NSMCE2: variants seen among roughly 807,000 people sequenced by gnomAD.
The protein encoded by NSMCE2 is E3 SUMO-protein ligase NSE2.
Under a neutral mutation model 23.8 loss-of-function variants are expected in NSMCE2, and 24 were observed. The ratio of observed to expected loss-of-function variants is 1.01; its 90% CI spans 0.73 to 1.42. The LOEUF (loss-of-function observed/expected upper bound fraction) is 1.42. Among genes scored for constraint, NSMCE2 ranks in the 40% most tolerant of loss-of-function variants. NSMCE2 has a pLI of 0.00. For synonymous variants in NSMCE2, 92 were observed against 94.1 expected, an observed-to-expected ratio of 0.98 and a Z score of 0.13; for missense variants, 284 against 296.5, an observed-to-expected ratio of 0.96 and a Z score of 0.31.
At chr8:125,306,898 G>A (rs1215687590) in intron 5 of NSMCE2, among the ~76,000 whole-genome samples, 2 of 152,150 alleles carry the variant, frequency 1.3e-5, no homozygotes, top group African/African-American at 4.8e-5. Flanking sequence ...TACATCCTTA[G>A]CATTATGTGA....
intron 3 of NSMCE2, among the ~76,000 whole-genome samples, chr8:125,108,989 G>A (rs1818601129): frequency 6.6e-6 from 1 of 152,184 alleles, no homozygotes; most frequent in Admixed American, 6.5e-5. Context: ...AAAGATAACT[G>A]TCCACAGCAG....
In NSMCE2 at chr8:125,357,088, A is replaced by G. The variant is rs185468692; in HGVS notation, c.419-131A>G. The stretch of plus-strand genomic sequence containing the variant: ...TTCTCTGAAAAGCAGAAGAGTTTCT[A>G]TGCATCCAGTCCTTACATGGGGGCC... On this transcript the variant is annotated intron_variant, in intron 5 of 7. Coordinates refer to ENST00000287437, the MANE Select transcript of NSMCE2 (RefSeq NM_173685.4). The G allele has an allele frequency of 1.3e-4, 80 of 626,740 alleles. 2 individuals carry two copies. The highest frequency in any genetic ancestry group is 1.1e-3 in the East Asian group (39 of 36,710). The allele number at this position is 626,740 out of a possible 1,614,324, so 38.8% of individuals were successfully genotyped here.
At chr8:125,217,670 T>C (rs1824661273) in intron 5 of NSMCE2, among the ~76,000 whole-genome samples, 1 of 152,060 alleles carries the variant, frequency 6.6e-6, no homozygotes. Context: ...CTGGCCCTGA[T>C]CACTTTTTAA....
chr8:125,349,767 A>G (rs1386273434), intron 5 of NSMCE2, among the ~76,000 whole-genome samples: 5 of 152,188 alleles, frequency 3.3e-5, no homozygotes, highest in Non-Finnish European at 7.4e-5. Context: ...AATGTATTTT[A>G]TGACCACAAG....
intron 5 of NSMCE2, among the ~76,000 whole-genome samples, chr8:125,330,053 G>A (rs1451297623): frequency 2.6e-5 from 4 of 152,174 alleles, no homozygotes; most frequent in Non-Finnish European, 4.4e-5. Flanking sequence ...ACAGGAGGAA[G>A]GGGTATGACC....
intron 5 of NSMCE2, chr8:125,348,606 C>T (rs1563799129): frequency 6.6e-6 from 1 of 152,168 alleles, no homozygotes; most frequent in Non-Finnish European, 1.5e-5. Context: ...GGGGCGGTGT[C>T]CTCCCTACTT....
chr8:125,336,368 C>G (rs976089043), intron 5 of NSMCE2, among the ~76,000 whole-genome samples: 4 of 152,184 alleles, frequency 2.6e-5, no homozygotes, highest in Non-Finnish European at 5.9e-5. Flanking sequence ...AACTAAGGCT[C>G]TGAGAGGTGG....
intron 5 of NSMCE2, among the ~76,000 whole-genome samples, chr8:125,266,092 C>CTTTTTTTTT (rs71295827): frequency 7.6e-6 from 1 of 132,416 alleles, no homozygotes; most frequent in Non-Finnish European, 1.6e-5. Context: ...CAAATTTTTT[C>CTTTTTTTTT]TTTTTTTTTT....
At chr8:125,120,456 A>T (rs1390631104) in intron 3 of NSMCE2, among the ~76,000 whole-genome samples, 1 of 152,218 alleles carries the variant, frequency 6.6e-6, no homozygotes, top group Admixed American at 6.5e-5. Context: ...TCAGCCTAAA[A>T]TGACTTACTT....
At chr8:125,325,516 A>AT (rs959544609) in intron 5 of NSMCE2, among the ~76,000 whole-genome samples, 9 of 150,702 alleles carry the variant, frequency 6.0e-5, no homozygotes, top group South Asian at 2.1e-4. Flanking sequence ...CACCTGGCTA[A>AT]TTTTTTTTTA....
At chr8:125,147,572 A>G (rs2130657773) in intron 3 of NSMCE2, among the ~76,000 whole-genome samples, 1 of 152,290 alleles carries the variant, frequency 6.6e-6, no homozygotes, top group Middle Eastern at 3.4e-3. Flanking sequence ...AAAAGCAGGT[A>G]GGGCCTGAGC....
intron 5 of NSMCE2, among the ~76,000 whole-genome samples, chr8:125,250,172 T>G (rs1586670415): frequency 6.6e-6 from 1 of 152,142 alleles, no homozygotes; most frequent in Admixed American, 6.5e-5. Flanking sequence ...GTATTTTTAG[T>G]AGAGATGGGG....
chr8:125,338,057 T>C (rs921084537), intron 5 of NSMCE2, among the ~76,000 whole-genome samples: 2 of 152,138 alleles, frequency 1.3e-5, no homozygotes, highest in East Asian at 3.9e-4. Context: ...TTTTTGATAC[T>C]AGAGAGACCA....
intron 5 of NSMCE2, among the ~76,000 whole-genome samples, chr8:125,228,719 G>C (rs1241046907): frequency 3.3e-5 from 5 of 152,196 alleles, no homozygotes; most frequent in Non-Finnish European, 7.3e-5. Context: ...AGTGTAAAGG[G>C]GGTAAGGCAG....
intron 5 of NSMCE2, among the ~76,000 whole-genome samples, chr8:125,300,761 G>A (rs1399950776): frequency 2.6e-5 from 4 of 152,154 alleles, no homozygotes; most frequent in African/African-American, 9.7e-5. Flanking sequence ...GTGGCCTGAT[G>A]TAGCCTGGGG....
At chr8:125,195,392 A>G (rs1823567532) in intron 5 of NSMCE2, among the ~76,000 whole-genome samples, 1 of 152,172 alleles carries the variant, frequency 6.6e-6, no homozygotes, top group Admixed American at 6.5e-5. Context: ...ATCTGACACC[A>G]ATTCCAGATC....
At chr8:125,190,619 A>G (rs1823302214) in intron 5 of NSMCE2, among the ~76,000 whole-genome samples, 1 of 152,184 alleles carries the variant, frequency 6.6e-6, no homozygotes, top group Non-Finnish European at 1.5e-5. Context: ...TCCAGGAGTT[A>G]TTTTGTAGTG....
At chr8:125,278,490 G>A (rs992958851) in intron 5 of NSMCE2, among the ~76,000 whole-genome samples, 3 of 152,192 alleles carry the variant, frequency 2.0e-5, no homozygotes, top group Admixed American at 6.5e-5. Context: ...GTGTGCTTTC[G>A]TGAGGCATGA....
intron 4 of NSMCE2, among the ~76,000 whole-genome samples, chr8:125,155,576 A>G (rs947425804): frequency 2.0e-5 from 3 of 152,198 alleles, no homozygotes; most frequent in African/African-American, 7.2e-5. Context: ...AGTTGATTTA[A>G]GAATTATTTT....
Sources: allele counts gnomAD v4.1 joint callset (sites outside exome capture counted in the v4.1 genomes callset), GRCh38; gene constraint gnomAD v4.1.1; transcripts MANE v1.5; gene names NCBI Gene and HGNC (gene_info 2026-07-23, HGNC 2026-07-21).